Variants in DNM3 observed in about 807,000 individuals in gnomAD.
The protein encoded by DNM3 is dynamin-3.
In DNM3, 47 loss-of-function variants were observed where a neutral mutation model predicts 101.6. The observed-to-expected ratio is 0.46, with a 90% CI of 0.37 to 0.59. The LOEUF is 0.59. DNM3 is among the 20% of genes least tolerant of loss of function. DNM3 has a pLI of 0.00. For missense variants in DNM3, 849 were observed against 1,085.7 expected (o/e 0.78, Z 3.06); for synonymous variants, 385 against 387.9 (o/e 0.99, Z 0.09).
chr1:172,013,665 A>G (rs920787375), intron 4 of DNM3, among the ~76,000 whole-genome samples: 25 of 152,180 alleles, frequency 1.6e-4, no homozygotes, highest in African/African-American at 6.0e-4. Flanking sequence ...ATGAGGTCTG[A>G]AAGAAATTTT....
intron 10 of DNM3, 125 bp from the exon 11 acceptor site, chr1:172,068,694 A>G: frequency 2.6e-6 from 2 of 763,678 alleles, no homozygotes; most frequent in Non-Finnish European, 4.4e-6. Context: ...GGAGTTGATG[A>G]TATTTCATTT....
intron 18 of DNM3, among the ~76,000 whole-genome samples, chr1:172,385,215 C>T (rs1023468994): frequency 3.9e-5 from 6 of 152,150 alleles, no homozygotes; most frequent in African/African-American, 1.4e-4. Context: ...ATCTTATGAA[C>T]GATCTACAAT....
chr1:172,373,237 C>A (rs1458669589), intron 17 of DNM3, among the ~76,000 whole-genome samples: 1 of 152,046 alleles, frequency 6.6e-6, no homozygotes, highest in African/African-American at 2.4e-5. Context: ...AAATTCGCAT[C>A]TTTAGTCTCC....
At chr1:172,233,410 C>T (rs764321929) in intron 14 of DNM3, among the ~76,000 whole-genome samples, 9 of 152,176 alleles carry the variant, frequency 5.9e-5, no homozygotes, top group Non-Finnish European at 1.3e-4. Context: ...AGCTTACCAA[C>T]CAAAAAAAGT....
intron 1 of DNM3, among the ~76,000 whole-genome samples, chr1:171,896,288 A>T (rs1261849605): frequency 6.6e-6 from 1 of 152,154 alleles, no homozygotes; most frequent in Non-Finnish European, 1.5e-5. Context: ...ATGTTCTTCC[A>T]TTTGTTTGTG....
chr1:172,236,515 A>C (rs543896755), intron 14 of DNM3, among the ~76,000 whole-genome samples: 19 of 152,054 alleles, frequency 1.2e-4, no homozygotes, highest in Non-Finnish European at 2.1e-4. Flanking sequence ...ATTGTATATA[A>C]TCATTAGGGT....
intron 14 of DNM3, among the ~76,000 whole-genome samples, chr1:172,146,887 C>A (rs1264108382): frequency 6.6e-6 from 1 of 152,122 alleles, no homozygotes; most frequent in South Asian, 2.1e-4. Flanking sequence ...TTAGTCTGTA[C>A]ATCTATATGC....
intron 15 of DNM3, among the ~76,000 whole-genome samples, chr1:172,301,244 G>T (rs1055670178): frequency 4.6e-5 from 7 of 152,202 alleles, no homozygotes; most frequent in Non-Finnish European, 7.3e-5. Context: ...GGTCACTCCT[G>T]TAATTCCAGC....
intron 2 of DNM3, among the ~76,000 whole-genome samples, chr1:171,951,781 T>C (rs898364327): frequency 6.6e-6 from 1 of 152,176 alleles, no homozygotes; most frequent in Non-Finnish European, 1.5e-5. Flanking sequence ...TATGAGCCCA[T>C]ATTAATGACT....
At chr1:172,366,408 T>G (rs2068022807) in intron 17 of DNM3, 1 of 151,804 alleles carries the variant, frequency 6.6e-6, no homozygotes, top group South Asian at 2.1e-4. Flanking sequence ...TATTAGCAAA[T>G]TTATCTGATT....
intron 12 of DNM3, among the ~76,000 whole-genome samples, chr1:172,087,919 C>G (rs1449140384): frequency 1.3e-5 from 2 of 152,176 alleles, no homozygotes; most frequent in Non-Finnish European, 1.5e-5. Flanking sequence ...TCCCTAAGTC[C>G]ATGCTGCAGC....
intron 2 of DNM3, among the ~76,000 whole-genome samples, chr1:171,957,892 A>G (rs538043701): frequency 2.6e-5 from 4 of 152,254 alleles, no homozygotes; most frequent in African/African-American, 9.6e-5. Flanking sequence ...AAACTGTTCT[A>G]ACCTCTGCCT....
chr1:171,914,280 C>T lies in DNM3; in HGVS notation c.162-7468C>T, dbSNP rs151289580. ...TCAAGGGATTCTCCTATCTCAGCCTCCCGAGTAGCTGGGATTACAGGCATG... is the reference window on the plus strand; with the variant it reads ...TCAAGGGATTCTCCTATCTCAGCCTTCCGAGTAGCTGGGATTACAGGCATG... On this transcript the variant is annotated intron_variant, in intron 1 of 20. Coordinates refer to ENST00000627582, the MANE Select transcript of DNM3 (RefSeq NM_015569.5). Among the ~76,000 whole-genome samples, 347 of 152,254 alleles carry T rather than the reference C, an allele frequency of 2.3e-3. 4 individuals carry two copies. Among genetic ancestry groups the T allele is most frequent in the East Asian group, 0.016 (83 of 5,168 alleles).
chr1:172,199,184 G>A (rs1441268119), intron 14 of DNM3, among the ~76,000 whole-genome samples: 1 of 152,038 alleles, frequency 6.6e-6, no homozygotes, highest in East Asian at 1.9e-4. Context: ...TCATTCAGGA[G>A]TATGTTGTTT....
chr1:172,110,559 A>C (rs965261787), intron 13 of DNM3, among the ~76,000 whole-genome samples: 1 of 152,268 alleles, frequency 6.6e-6, no homozygotes, highest in African/African-American at 2.4e-5. Flanking sequence ...ATGTTCTATA[A>C]AATAATGACT....
rs1231470618 is a variant in DNM3, at chr1:172,260,398, T to C, written c.1769+6716T>C. On this transcript the variant is annotated intron_variant, in intron 15 of 20. Transcript: ENST00000627582. ...TTTTGAAGTTTTTAACCTATTATTT[T>C]ATTAAATAGGTTTTCTAATTCTTTC... is the stretch of plus-strand genomic sequence containing the variant. 3.3e-5 allele frequency among the ~76,000 whole-genome samples: 5 copies of C among 152,284 alleles called. No individual in the cohort carries two copies. In the East Asian group the frequency reaches 9.6e-4, roughly 29 times the overall value.
At chr1:171,903,132 G>A (rs985645261) in intron 1 of DNM3, among the ~76,000 whole-genome samples, 7 of 151,964 alleles carry the variant, frequency 4.6e-5, no homozygotes, top group African/African-American at 1.7e-4. Flanking sequence ...TTAAGCCTGG[G>A]TGACAGAGCG....
At chr1:171,925,514 G>A (rs1037564013) in intron 2 of DNM3, among the ~76,000 whole-genome samples, 1 of 152,050 alleles carries the variant, frequency 6.6e-6, no homozygotes, top group Non-Finnish European at 1.5e-5. Flanking sequence ...ACAGGTGTGA[G>A]CCACCGTGCC....
At chr1:172,258,409 C>T (rs2062507326) in intron 15 of DNM3, among the ~76,000 whole-genome samples, 9 of 152,040 alleles carry the variant, frequency 5.9e-5, no homozygotes, top group Admixed American at 5.2e-4. Context: ...CTTTTCTCCA[C>T]ATCCTCACCG....
Sources: gnomAD v4.1 joint callset for allele counts (sites outside exome capture counted in the v4.1 genomes callset) on GRCh38, gnomAD v4.1.1 for gene constraint, MANE v1.5 for transcripts, NCBI Gene and HGNC (gene_info 2026-07-23, HGNC 2026-07-21) for gene names.